Variants in GALNT18 observed in about 807,000 individuals in gnomAD.
The protein encoded by GALNT18 is polypeptide N-acetylgalactosaminyltransferase 18, also known as GalNAc-transferase 18.
GALNT18 carries 44 observed loss-of-function variants against 69.5 expected under a neutral mutation model. That is an observed-to-expected ratio of 0.63 (90% confidence interval 0.50 to 0.81). The LOEUF is 0.81. Among genes scored for constraint, GALNT18 ranks in the 40% least tolerant of loss-of-function variants. GALNT18 has a pLI of 0.00. For missense variants in GALNT18, 715 were observed against 810.0 expected (o/e 0.88, Z 1.42); for synonymous variants, 364 against 318.2 (o/e 1.14, Z -1.53).
At chr11:11,580,384 C>T (rs932115497) in intron 1 of GALNT18, among the ~76,000 whole-genome samples, 1 of 152,188 alleles carries the variant, frequency 6.6e-6, no homozygotes, top group Non-Finnish European at 1.5e-5. Flanking sequence ...TAAGACCGTC[C>T]CTGAGATGTA....
At chr11:11,492,384 GA>G (rs991586290) in intron 1 of GALNT18, among the ~76,000 whole-genome samples, 34 of 152,354 alleles carry the variant, frequency 2.2e-4, no homozygotes, top group African/African-American at 8.2e-4. Flanking sequence ...TAGAAGCTGA[GA>G]ATGCTGCTAA....
intron 10 of GALNT18, among the ~76,000 whole-genome samples, chr11:11,276,823 G>T (rs1398170491): frequency 6.6e-6 from 1 of 152,178 alleles, no homozygotes; most frequent in Non-Finnish European, 1.5e-5. Context: ...TGCTTGATTT[G>T]TGTATGTTGA....
chr11:11,456,641 C>G (rs1428400829), intron 1 of GALNT18, among the ~76,000 whole-genome samples: 2 of 152,192 alleles, frequency 1.3e-5, no homozygotes, highest in Non-Finnish European at 2.9e-5. Context: ...TGTCCCTTGA[C>G]AGTTGTTTGC....
chr11:11,455,285 G>A (rs1339063174), intron 1 of GALNT18, among the ~76,000 whole-genome samples: 5 of 152,196 alleles, frequency 3.3e-5, no homozygotes, highest in Non-Finnish European at 7.3e-5. Flanking sequence ...AACTTAGTGG[G>A]AAGAGCAAAT....
intron 1 of GALNT18, among the ~76,000 whole-genome samples, chr11:11,548,393 A>G (rs1007954460): frequency 2.0e-5 from 3 of 152,348 alleles, no homozygotes; most frequent in Non-Finnish European, 1.5e-5. Context: ...CATCTTTCCA[A>G]CACCCATTCA....
chr11:11,464,956 T>A (rs911249795), intron 1 of GALNT18, among the ~76,000 whole-genome samples: 10 of 152,218 alleles, frequency 6.6e-5, no homozygotes, highest in African/African-American at 2.4e-4. Flanking sequence ...TTATTGTTAC[T>A]GGTCAGGTGC....
intron 1 of GALNT18, among the ~76,000 whole-genome samples, chr11:11,559,536 A>C (rs2133980056): frequency 6.6e-6 from 1 of 152,210 alleles, no homozygotes; most frequent in Non-Finnish European, 1.5e-5. Context: ...GATGGGATAG[A>C]ATAGAATGGG....
In GALNT18 at chr11:11,320,763, G is replaced by A. The variant is rs1048994208; in HGVS notation, c.1512+6323C>T. ...AGCTCAGGCTGGGAATACCCAGCCC[G>A]TCCCCAGGATAACCTTGTCCTTTCC... On this transcript the variant is annotated intron_variant, in intron 9 of 10. Transcript: ENST00000227756. This position sits in a 1 kb window ranked among gnomAD's most constrained non-coding sequence, Gnocchi z 4.9. 3.9e-5 allele frequency among the ~76,000 whole-genome samples: 6 copies of A among 152,094 alleles called. No individual in the cohort carries two copies. The highest frequency in any genetic ancestry group is 3.3e-4 in the Admixed American group (5 of 15,268).
chr11:11,380,926 G>C (rs1220105252), intron 3 of GALNT18, among the ~76,000 whole-genome samples: 1 of 152,208 alleles, frequency 6.6e-6, no homozygotes, highest in Non-Finnish European at 1.5e-5. Flanking sequence ...CTTTTAAACA[G>C]TGTGACCCCT....
intron 3 of GALNT18, among the ~76,000 whole-genome samples, chr11:11,416,703 C>G (rs564534423): frequency 1.2e-4 from 19 of 152,320 alleles, no homozygotes; most frequent in African/African-American, 4.3e-4. Flanking sequence ...CGCCACCACA[C>G]CAACCACAGC....
At chr11:11,311,770 A>T (rs1849677302) in intron 9 of GALNT18, among the ~76,000 whole-genome samples, 1 of 152,248 alleles carries the variant, frequency 6.6e-6, no homozygotes. Flanking sequence ...TGATAAACAG[A>T]TACAGATTCT....
rs1385635908 is a variant in GALNT18 at position 11,339,463 on chromosome 11, C to G, written c.1278+1356G>C. Among the ~76,000 whole-genome samples the G allele has an allele frequency of 6.6e-6, 1 of 152,120 alleles. No homozygotes were observed. Among genetic ancestry groups the G allele is most frequent in the East Asian group, 1.9e-4 (1 of 5,184 alleles). ...CTCACTCACCAGTCCTAAGCAGAAC[C>G]TGGGGACCTGCTATGCCTCACTGGT... On this transcript the variant is annotated intron_variant, in intron 7 of 10. Coordinates refer to ENST00000227756, the MANE Select transcript of GALNT18 (RefSeq NM_198516.3). This position sits in a 1 kb window ranked among gnomAD's most constrained non-coding sequence, Gnocchi z 5.2.
At chr11:11,427,636 G>A (rs1471927960) in intron 3 of GALNT18, among the ~76,000 whole-genome samples, 1 of 152,128 alleles carries the variant, frequency 6.6e-6, no homozygotes, top group Non-Finnish European at 1.5e-5. Flanking sequence ...CAGAGGTTAA[G>A]AACACACAGG....
chr11:11,500,872 T>A lies in GALNT18; in HGVS notation c.236-51936A>T, dbSNP rs1333043605. Among the ~76,000 whole-genome samples the A allele has an allele frequency of 6.6e-6, 1 of 152,188 alleles. No individual in the cohort carries two copies. The highest frequency in any genetic ancestry group is 1.5e-5 in the Non-Finnish European group (1 of 68,032). On this transcript the variant is annotated intron_variant, in intron 1 of 10. Coordinates refer to ENST00000227756, the MANE Select transcript of GALNT18 (RefSeq NM_198516.3). The surrounding 1 kb of genome is among the most constrained non-coding windows in gnomAD (Gnocchi z 5.0). The stretch of plus-strand genomic sequence containing the variant: ...TGGGAGTTCCTTTCCTTCCCTGTCT[T>A]TTTGCAGAGCCGTGCTGAGCGGGCA...
At chr11:11,272,793 T>C (rs1176428997) in intron 10 of GALNT18, among the ~76,000 whole-genome samples, 1 of 152,098 alleles carries the variant, frequency 6.6e-6, no homozygotes, top group Non-Finnish European at 1.5e-5. Context: ...TGCTCTTCAC[T>C]TTGTGCCTTT....
chr11:11,303,848 G>A (rs1013825187), intron 9 of GALNT18, among the ~76,000 whole-genome samples: 17 of 152,166 alleles, frequency 1.1e-4, no homozygotes, highest in Admixed American at 3.3e-4. Context: ...CGGAGACAAG[G>A]GACCTTTGGT....
At chr11:11,293,336 A>G (rs1434863687) in intron 9 of GALNT18, 143 bp from the exon 10 acceptor site, 1 of 485,536 alleles carries the variant, frequency 2.1e-6, no homozygotes, top group Non-Finnish European at 3.3e-6. Context: ...TGGCCTTCAG[A>G]TTATTTTCTA....
Position 11,421,318 on chromosome 11 carries a change from C to T in GALNT18, c.595+11303G>A, listed in dbSNP as rs183384382. ...GCCCTGGGGCTGGTCCACAAAGAGG[C>T]GGGTGACTCAAGAGCTGATATACTT... On this transcript the variant is annotated intron_variant, in intron 3 of 10. Coordinates refer to ENST00000227756, the MANE Select transcript of GALNT18 (RefSeq NM_198516.3). This position sits in a 1 kb window ranked among gnomAD's most constrained non-coding sequence, Gnocchi z 5.6. Among the ~76,000 whole-genome samples the T allele has an allele frequency of 1.1e-4, 17 of 152,148 alleles. No individual in the cohort carries two copies. The highest frequency in any genetic ancestry group is 7.2e-4 in the Admixed American group (11 of 15,282).
chr11:11,343,215 G>A (rs2133059154), intron 6 of GALNT18, among the ~76,000 whole-genome samples: 1 of 152,170 alleles, frequency 6.6e-6, no homozygotes, highest in South Asian at 2.1e-4. Context: ...GGGCGTGGTG[G>A]CACGTGCCTG....
Sources: gnomAD v4.1 joint callset for allele counts (sites outside exome capture counted in the v4.1 genomes callset) on GRCh38, gnomAD v4.1.1 for gene constraint, Gnocchi (gnomAD v3.1) non-coding constraint, MANE v1.5 for transcripts, NCBI Gene and HGNC (gene_info 2026-07-23, HGNC 2026-07-21) for gene names.